CRTC1: variants seen among roughly 807,000 people sequenced by gnomAD.
The protein encoded by CRTC1 is CREB-regulated transcription coactivator 1.
In CRTC1, 18 loss-of-function variants were observed where a neutral mutation model predicts 66.1. The observed-to-expected ratio is 0.27, with a 90% CI of 0.19 to 0.40. CRTC1 has a LOEUF of 0.40. Among genes scored for constraint, CRTC1 ranks in the 10% least tolerant of loss-of-function variants. CRTC1 has a pLI of 1.00. For synonymous variants in CRTC1, 416 were observed against 398.8 expected, an observed-to-expected ratio of 1.04 and a Z score of -0.51; for missense variants, 669 against 887.9, an observed-to-expected ratio of 0.75 and a Z score of 3.13.
At chr19:18,707,867 C>T (rs1438950162) in intron 1 of CRTC1, among the ~76,000 whole-genome samples, 2 of 152,248 alleles carry the variant, frequency 1.3e-5, no homozygotes, top group South Asian at 2.1e-4. Flanking sequence ...TCACACTCTC[C>T]TCCTCCCAGC....
At chr19:18,696,678 C>G (rs774539305) in intron 1 of CRTC1, among the ~76,000 whole-genome samples, 13 of 152,028 alleles carry the variant, frequency 8.6e-5, no homozygotes, top group Non-Finnish European at 1.3e-4. Flanking sequence ...TTTTCTCAAC[C>G]TAAACATTCT....
rs2054102416 is a variant in CRTC1 at position 18,741,155 on chromosome 19, A to G, written c.127-1755A>G. On this transcript the variant is annotated intron_variant, in intron 1 of 13. Transcript: ENST00000321949. The surrounding 1 kb of genome is among the most constrained non-coding windows in gnomAD (Gnocchi z 4.2). ...AATTGTGGGCAAGGTTTGGACAGAG[A>G]TGGGGCTTGGGAACCATGAGAGTTC... Among the ~76,000 whole-genome samples, 1 of 152,196 alleles carries G rather than the reference A, an allele frequency of 6.6e-6. No homozygotes were observed. Among genetic ancestry groups the G allele is most frequent in the African/African-American group, 2.4e-5 (1 of 41,456 alleles).
chr19:18,700,635 G>T (rs944603044), intron 1 of CRTC1, among the ~76,000 whole-genome samples: 2 of 152,200 alleles, frequency 1.3e-5, no homozygotes, highest in South Asian at 4.1e-4. Context: ...GCAGAGGGTG[G>T]GTGGGTGCAT....
Position 18,683,810 on chromosome 19 carries a change from C to G in CRTC1, c.108C>G (p.Ser36Arg). 1 of 1,329,068 alleles carries G rather than the reference C, an allele frequency of 7.5e-7. No homozygotes were observed. The highest frequency in any genetic ancestry group is 9.9e-7 in the Non-Finnish European group (1 of 1,011,366). The allele number at this position is 1,329,068 out of a possible 1,614,324, so 82.3% of individuals were successfully genotyped here. The change falls in exon 1 of 14, where the codon AGC becomes AGG. Residue 36 changes from serine to arginine, a missense_variant. Around this residue, in one of 8 missense-constraint regions of CRTC1, gnomAD observed 5 missense variants for 39.0 expected, o/e 0.13. Coordinates refer to ENST00000321949, the MANE Select transcript of CRTC1 (RefSeq NM_015321.3). ...TCGAGGAGGTCATGAAGGACCTGAG[C>G]CTGACGCGGGCCGCGCGGGTAAGGG... ...AAFEEVMKDLSLTRAARLQLQ... is the reference protein window; with the variant it reads ...AAFEEVMKDLRLTRAARLQLQ...
intron 10 of CRTC1, among the ~76,000 whole-genome samples, chr19:18,770,494 G>A (rs549586456): frequency 6.6e-6 from 1 of 152,366 alleles, no homozygotes; most frequent in African/African-American, 2.4e-5. Flanking sequence ...GAGAGCCAGG[G>A]GACCTGCCCA....
chr19:18,768,078 C>CG lies in CRTC1; in HGVS notation c.1012-400dup, dbSNP rs1014856148. ...TCCCCAGAGTGGGCAAGGCTTTGGG[C>CG]GGGGGGGTTTGGGAAGGCAAGGCCA... On this transcript the variant is annotated intron_variant, in intron 9 of 13. Coordinates refer to ENST00000321949, the MANE Select transcript of CRTC1 (RefSeq NM_015321.3). The surrounding 1 kb of genome is among the most constrained non-coding windows in gnomAD (Gnocchi z 5.6). Among the ~76,000 whole-genome samples, 9 of 143,308 alleles carry CG rather than the reference C, an allele frequency of 6.3e-5. No homozygotes were observed. Among genetic ancestry groups the CG allele is most frequent in the East Asian group, 2.4e-4 (1 of 4,192 alleles). 94.0% of individuals were successfully genotyped at this position (143,308 alleles called of 152,430 possible).
chr19:18,770,965 C>T (rs529399541), intron 10 of CRTC1, among the ~76,000 whole-genome samples: 18 of 141,536 alleles, frequency 1.3e-4, no homozygotes, highest in South Asian at 2.3e-4. Context: ...TGTGAGTATG[C>T]GTGTGTGTGC....
At position 18,714,788 on chromosome 19, in the gene CRTC1, C is replaced by T. The variant is rs540062216; in HGVS notation, c.127-28122C>T. ...AATGTTGATGACCCCCGGGGAACCTCCAACCCTGTGGCCACATCCTGCTGT... is the reference window on the plus strand; with the variant it reads ...AATGTTGATGACCCCCGGGGAACCTTCAACCCTGTGGCCACATCCTGCTGT... On this transcript the variant is annotated intron_variant, in intron 1 of 13. Transcript: ENST00000321949. 1.5e-3 allele frequency among the ~76,000 whole-genome samples: 234 copies of T among 152,330 alleles called. 3 individuals are homozygous for T. Among genetic ancestry groups the T allele is most frequent in the Middle Eastern group, 0.01 (3 of 294 alleles).
intron 1 of CRTC1, among the ~76,000 whole-genome samples, chr19:18,711,010 C>T (rs965829328): frequency 1.3e-5 from 2 of 152,216 alleles, no homozygotes; most frequent in Non-Finnish European, 2.9e-5. Flanking sequence ...CTCCCCAGGG[C>T]TTTGTAGGCC....
At chr19:18,716,057 G>C (rs1331595792) in intron 1 of CRTC1, among the ~76,000 whole-genome samples, 1 of 152,134 alleles carries the variant, frequency 6.6e-6, no homozygotes, top group Non-Finnish European at 1.5e-5. Flanking sequence ...GGCTGCAGGT[G>C]GGGAGGGATG....
At chr19:18,745,695 G>A in intron 2 of CRTC1, 128 bp from the exon 3 acceptor site, 1 of 1,201,298 alleles carries the variant, frequency 8.3e-7, no homozygotes, top group South Asian at 1.3e-5. Context: ...CCCAGGCTGT[G>A]GAGCGATGGC....
chr19:18,692,690 C>T (rs189054113), intron 1 of CRTC1, among the ~76,000 whole-genome samples: 2 of 151,946 alleles, frequency 1.3e-5, no homozygotes, highest in African/African-American at 4.8e-5. Context: ...GGACCCTCAG[C>T]GTGTGTGAAA....
chr19:18,729,296 G>A (rs956190963), intron 1 of CRTC1, among the ~76,000 whole-genome samples: 3 of 151,342 alleles, frequency 2.0e-5, no homozygotes, highest in African/African-American at 7.3e-5. Flanking sequence ...CGTGGCGGCG[G>A]GCACCTGTAG....
intron 1 of CRTC1, among the ~76,000 whole-genome samples, chr19:18,742,690 C>T (rs549446365): frequency 2.4e-4 from 36 of 152,332 alleles, no homozygotes; most frequent in Non-Finnish European, 4.9e-4. Flanking sequence ...GGTGCATTGC[C>T]CCGCCTGGGG....
chr19:18,687,237 T>A (rs2052706420), intron 1 of CRTC1, among the ~76,000 whole-genome samples: 1 of 152,076 alleles, frequency 6.6e-6, no homozygotes, highest in Non-Finnish European at 1.5e-5. Flanking sequence ...TTGGCCAGAC[T>A]GGTCTCGAAC....
At chr19:18,775,037 G>T (rs764998767) in intron 12 of CRTC1, 51 bp downstream of exon 12, 9 of 1,555,084 alleles carry the variant, frequency 5.8e-6, no homozygotes, top group Non-Finnish European at 7.9e-6. Flanking sequence ...ACAGATGCTT[G>T]CTGGGACCCT....
At chr19:18,713,259 G>T (rs1435760840) in intron 1 of CRTC1, among the ~76,000 whole-genome samples, 1 of 152,240 alleles carries the variant, frequency 6.6e-6, no homozygotes, top group African/African-American at 2.4e-5. Context: ...CTGCTGTATG[G>T]ATGGAGCACA....
At chr19:18,709,148 G>A (rs1325227261) in intron 1 of CRTC1, among the ~76,000 whole-genome samples, 1 of 152,188 alleles carries the variant, frequency 6.6e-6, no homozygotes, top group African/African-American at 2.4e-5. Context: ...CAGAGTCGCA[G>A]GTGCACCTGG....
rs2054774499 is a variant in CRTC1 at position 18,768,035 on chromosome 19, AC to A, written c.1012-446del. On this transcript the variant is annotated intron_variant, in intron 9 of 13. Coordinates refer to ENST00000321949, the MANE Select transcript of CRTC1 (RefSeq NM_015321.3). This position sits in a 1 kb window ranked among gnomAD's most constrained non-coding sequence, Gnocchi z 5.6. Reference sequence around the variant, plus strand: ...AGGGGCCATGCTGGTATCTCCAGCAACCCCAGCCTCTCCAGCATCCCCAGAG... The same window carrying A: ...AGGGGCCATGCTGGTATCTCCAGCAACCCAGCCTCTCCAGCATCCCCAGAG... 6.7e-6 allele frequency among the ~76,000 whole-genome samples: 1 copy of A among 150,232 alleles called. No homozygotes were observed. The highest frequency in any genetic ancestry group is 2.4e-5 in the African/African-American group (1 of 41,130).
Sources: allele counts gnomAD v4.1 joint callset (sites outside exome capture counted in the v4.1 genomes callset), GRCh38; gene constraint gnomAD v4.1.1; regional missense constraint gnomAD v4.1.1; non-coding constraint Gnocchi (gnomAD v3.1); transcripts MANE v1.5; gene names NCBI Gene and HGNC (gene_info 2026-07-23, HGNC 2026-07-21).